The following TTLL11 variants were observed in gnomAD, a reference collection of about 807,000 sequenced individuals.
TTLL11 encodes tubulin tyrosine ligase like 11.
A neutral mutation model predicts 51.7 loss-of-function variants in TTLL11; 42 were observed. The ratio of observed to expected loss-of-function variants is 0.81; its 90% CI spans 0.64 to 1.05. TTLL11 has a LOEUF of 1.05. Ranked by LOEUF, TTLL11 falls within the 50% of genes least tolerant of loss-of-function variation. TTLL11 has a pLI of 0.00. For missense variants in TTLL11, 799 were observed against 940.4 expected (o/e 0.85, Z 1.97); for synonymous variants, 381 against 383.5 (o/e 0.99, Z 0.08).
intron 3 of TTLL11, among the ~76,000 whole-genome samples, chr9:121,998,742 T>G (rs1043646345): frequency 3.3e-5 from 5 of 152,192 alleles, no homozygotes; most frequent in Non-Finnish European, 7.3e-5. Context: ...GGCAGTGCAC[T>G]AGGCACGTCA....
At chr9:122,090,395 A>T (rs1846228630) in intron 1 of TTLL11, among the ~76,000 whole-genome samples, 1 of 151,986 alleles carries the variant, frequency 6.6e-6, no homozygotes, top group Non-Finnish European at 1.5e-5. Context: ...CTGAAGCCCC[A>T]TCTCTTACCA....
intron 1 of TTLL11, among the ~76,000 whole-genome samples, chr9:122,054,194 C>T (rs571445689): frequency 2.6e-5 from 4 of 152,052 alleles, no homozygotes; most frequent in Admixed American, 6.6e-5. Context: ...GCTGGAAGAG[C>T]GGTGGTGAGG....
chr9:122,037,368 A>C (rs1038800049), intron 2 of TTLL11, among the ~76,000 whole-genome samples: 1 of 152,182 alleles, frequency 6.6e-6, no homozygotes, highest in African/African-American at 2.4e-5. Flanking sequence ...TTCTGTAACA[A>C]AACCCTTTCT....
chr9:122,078,578 T>C (rs1845918550), intron 1 of TTLL11, among the ~76,000 whole-genome samples: 1 of 152,220 alleles, frequency 6.6e-6, no homozygotes, highest in Non-Finnish European at 1.5e-5. Context: ...TAGAGAAGGT[T>C]AGGGCCAAGT....
rs965495290 is a variant in TTLL11, at chr9:121,818,819, G to C, written c.*3768C>G. On this transcript the variant is annotated 3_prime_UTR_variant, in exon 9 of 9. Coordinates refer to ENST00000321582, the MANE Select transcript of TTLL11 (RefSeq NM_001139442.2). ...GGTCGGACAGGGGCTCAGGGAGGCTGCAGAGCCTGGTCCTGAGGTGCAGGG... is the reference window on the plus strand; with the variant it reads ...GGTCGGACAGGGGCTCAGGGAGGCTCCAGAGCCTGGTCCTGAGGTGCAGGG... 1 of 152,596 alleles carries C rather than the reference G, an allele frequency of 6.6e-6. No homozygotes were observed. The highest frequency in any genetic ancestry group is 2.4e-5 in the African/African-American group (1 of 41,452). The allele number at this position is 152,596 out of a possible 1,614,324, so 9.5% of individuals were successfully genotyped here. A position where few individuals can be genotyped will look rare whatever the true frequency, so the allele number is the denominator to read the frequency against.
At chr9:121,950,899 A>C (rs1841833410) in intron 6 of TTLL11, among the ~76,000 whole-genome samples, 2 of 152,152 alleles carry the variant, frequency 1.3e-5, no homozygotes. Context: ...GTTACGGTAA[A>C]AATTAAACCC....
intron 6 of TTLL11, among the ~76,000 whole-genome samples, chr9:121,897,147 G>A (rs1839555462): frequency 6.6e-6 from 1 of 152,142 alleles, no homozygotes; most frequent in Non-Finnish European, 1.5e-5. Flanking sequence ...AGAAGGCATG[G>A]CTCACCCCCA....
At chr9:121,886,393 C>T (rs1006207957) in intron 6 of TTLL11, among the ~76,000 whole-genome samples, 2 of 152,122 alleles carry the variant, frequency 1.3e-5, no homozygotes, top group Admixed American at 6.6e-5. Context: ...AATCTGGGGA[C>T]AGATGTTCTT....
In TTLL11 at chr9:122,017,668, G is replaced by A. The variant is rs369932571; in HGVS notation, c.693+14055C>T. Reference sequence around the variant, plus strand: ...AGTAGAGAAGGGGTTTCACCATGTTGGCTAGGCTGGTCTCGAACTCCTGAC... The same window carrying A: ...AGTAGAGAAGGGGTTTCACCATGTTAGCTAGGCTGGTCTCGAACTCCTGAC... On this transcript the variant is annotated intron_variant, in intron 3 of 8. Coordinates refer to ENST00000321582, the MANE Select transcript of TTLL11 (RefSeq NM_001139442.2). Among the ~76,000 whole-genome samples the A allele has an allele frequency of 5.3e-5, 8 of 152,200 alleles. No homozygotes were observed. In the East Asian group the frequency reaches 9.7e-4, roughly 18 times the overall value.
chr9:121,877,136 G>A (rs1028591511), intron 6 of TTLL11, among the ~76,000 whole-genome samples: 2 of 152,218 alleles, frequency 1.3e-5, no homozygotes, highest in African/African-American at 2.4e-5. Flanking sequence ...ACAGGTCCCC[G>A]TCCCTGCTGT....
At chr9:122,016,477 T>C (rs1843985137) in intron 3 of TTLL11, among the ~76,000 whole-genome samples, 1 of 152,246 alleles carries the variant, frequency 6.6e-6, no homozygotes, top group Non-Finnish European at 1.5e-5. Flanking sequence ...CGGAAGGTTA[T>C]TTGATAAATG....
At chr9:121,932,921 T>A (rs944157507) in intron 6 of TTLL11, among the ~76,000 whole-genome samples, 4 of 152,312 alleles carry the variant, frequency 2.6e-5, no homozygotes, top group Admixed American at 6.5e-5. Flanking sequence ...CTTTTCTTCC[T>A]GAGCAGGAAA....
intron 8 of TTLL11, among the ~76,000 whole-genome samples, chr9:121,854,704 T>C (rs1270007698): frequency 6.6e-6 from 1 of 152,192 alleles, no homozygotes; most frequent in East Asian, 1.9e-4. Flanking sequence ...GAAATTCCAC[T>C]CTGGAAAGAG....
At chr9:121,873,622 C>T (rs1452920643) in intron 6 of TTLL11, among the ~76,000 whole-genome samples, 3 of 148,218 alleles carry the variant, frequency 2.0e-5, no homozygotes, top group South Asian at 4.3e-4. Flanking sequence ...CCGCCTCCTC[C>T]TCCTCCTCCT....
rs956017374 is a variant in TTLL11 at position 121,995,600 on chromosome 9, G to A, written c.694-5830C>T. ...ACAGATTTAGGGACTACAGGGAGAG[G>A]AGCAGGTCTCATTGAAGGAAAGTGG... On this transcript the variant is annotated intron_variant, in intron 3 of 8. Transcript: ENST00000321582. The surrounding 1 kb of genome is among the most constrained non-coding windows in gnomAD (Gnocchi z 4.4). 9.2e-5 allele frequency among the ~76,000 whole-genome samples: 14 copies of A among 152,154 alleles called. No individual in the cohort carries two copies. The highest frequency in any genetic ancestry group is 3.1e-4 in the African/African-American group (13 of 41,416).
At chr9:122,083,056 T>C (rs1846040143) in intron 1 of TTLL11, among the ~76,000 whole-genome samples, 1 of 152,036 alleles carries the variant, frequency 6.6e-6, no homozygotes. Flanking sequence ...AAAATATGTG[T>C]ATATTTATAT....
intron 5 of TTLL11, among the ~76,000 whole-genome samples, chr9:121,974,330 A>G (rs990714447): frequency 6.6e-5 from 10 of 152,228 alleles, no homozygotes; most frequent in African/African-American, 2.4e-4. Context: ...AAATAGCACT[A>G]TGTTTTTCTA....
intron 8 of TTLL11, among the ~76,000 whole-genome samples, chr9:121,850,739 C>A (rs1197853475): frequency 5.3e-5 from 8 of 152,114 alleles, no homozygotes; most frequent in African/African-American, 1.9e-4. Context: ...ACAGACACAC[C>A]CAGAACTAAT....
intron 8 of TTLL11, among the ~76,000 whole-genome samples, chr9:121,834,625 G>A (rs60543364): frequency 0.035 from 5,321 of 152,044 alleles, 200 homozygotes; most frequent in African/African-American, 0.097. Context: ...TCAGAAGTTC[G>A]AGACCAGTCT....
Sources: allele counts gnomAD v4.1 joint callset (sites outside exome capture counted in the v4.1 genomes callset), GRCh38; gene constraint gnomAD v4.1.1; non-coding constraint Gnocchi (gnomAD v3.1); transcripts MANE v1.5; gene names NCBI Gene and HGNC (gene_info 2026-07-23, HGNC 2026-07-21).